The following NECAB2 variants were observed in gnomAD, a reference collection of about 807,000 sequenced individuals.
NECAB2 encodes the protein N-terminal EF-hand calcium-binding protein 2.
Under a neutral mutation model 51.9 loss-of-function variants are expected in NECAB2, and 68 were observed. The ratio of observed to expected loss-of-function variants is 1.31; its 90% confidence interval spans 1.08 to 1.60. The LOEUF is 1.60. Ranked by LOEUF, NECAB2 falls within the 40% of genes most tolerant of loss-of-function variation. NECAB2 has a pLI of 0.00. For missense variants in NECAB2, 854 were observed against 490.3 expected, an observed-to-expected ratio of 1.74 and a Z score of -7.00; for synonymous variants, 329 against 203.5, an observed-to-expected ratio of 1.62 and a Z score of -5.25.
chr16:83,989,293 G>T (rs1440405060), intron 5 of NECAB2, among the ~76,000 whole-genome samples: 1 of 152,150 alleles, frequency 6.6e-6, no homozygotes, highest in Non-Finnish European at 1.5e-5. Flanking sequence ...CTCTGTCAGG[G>T]TCTGTCCCCA....
At chr16:83,998,361 T>A (rs2151100875) in intron 10 of NECAB2, 44 bp downstream of exon 10, 1 of 1,570,406 alleles carries the variant, frequency 6.4e-7, no homozygotes, top group Non-Finnish European at 8.7e-7. Context: ...GGCAGGGAGC[T>A]CTGCCTGGCA....
At chr16:83,989,603 G>C (rs964216918) in intron 5 of NECAB2, among the ~76,000 whole-genome samples, 1 of 152,186 alleles carries the variant, frequency 6.6e-6, no homozygotes, top group African/African-American at 2.4e-5. Context: ...GAGCAGGGCA[G>C]GGTTTGGGAG....
intron 8 of NECAB2, 97 bp downstream of exon 8, chr16:83,994,785 G>A: frequency 7.3e-7 from 1 of 1,367,638 alleles, no homozygotes. Context: ...GGCTGCAGAG[G>A]GGCCAGGGAA....
At position 84,000,631 on chromosome 16, in the gene NECAB2, A is replaced by G. The variant is rs1465801834; in HGVS notation, c.963-93A>G. The G allele has an allele frequency of 1.0e-5, 10 of 954,980 alleles. No individual in the cohort carries two copies. In the South Asian group the frequency reaches 1.3e-4, roughly 12 times the overall value. 59.2% of individuals were successfully genotyped at this position (954,980 alleles called of 1,614,324 possible). A position where few individuals can be genotyped will look rare whatever the true frequency, so the allele number is the denominator to read the frequency against. ...GAAACATTGAAGGCAGCCGTTGTGT[A>G]TAGTGGTGGGTCTCAGGCCACCCCA... On this transcript the variant is annotated intron_variant, in intron 10 of 12. Coordinates refer to ENST00000305202, the MANE Select transcript of NECAB2 (RefSeq NM_019065.3).
intron 11 of NECAB2, among the ~76,000 whole-genome samples, 156 bp downstream of exon 11, chr16:84,000,957 C>T (rs948152372): frequency 3.3e-5 from 4 of 122,878 alleles, no homozygotes; most frequent in Non-Finnish European, 6.1e-5. Flanking sequence ...GTCAGTAAAC[C>T]CTGGTGGAGG....
intron 1 of NECAB2, among the ~76,000 whole-genome samples, chr16:83,969,577 C>G (rs1477355248): frequency 1.3e-5 from 2 of 152,062 alleles, no homozygotes; most frequent in Non-Finnish European, 2.9e-5. Context: ...CCTCACCCCT[C>G]CTAACTCCCC....
intron 10 of NECAB2, among the ~76,000 whole-genome samples, chr16:83,999,507 C>T (rs1419189005): frequency 2.0e-5 from 3 of 152,122 alleles, no homozygotes; most frequent in Non-Finnish European, 4.4e-5. Context: ...TAAAGCTGCA[C>T]GGAGGTGTGT....
In NECAB2 at chr16:84,002,529, G is replaced by GTGTC. The variant is rs1460071924; in HGVS notation, c.*187_*190dup. ...TGCCCCCACCTGAGAAGGCAGAGCAGTGTCTGTGCTGCCAGGTCCTGGTGA... is the reference window on the plus strand; with the variant it reads ...TGCCCCCACCTGAGAAGGCAGAGCAGTGTCTGTCTGTGCTGCCAGGTCCTGGTGA... On this transcript the variant is annotated 3_prime_UTR_variant, in exon 13 of 13. Coordinates refer to ENST00000305202, the MANE Select transcript of NECAB2 (RefSeq NM_019065.3). 6.6e-6 allele frequency: 5 copies of GTGTC among 757,214 alleles called. No individual in the cohort carries two copies. The highest frequency in any genetic ancestry group is 1.1e-5 in the Non-Finnish European group (5 of 463,402). 46.9% of individuals were successfully genotyped at this position (757,214 alleles called of 1,614,324 possible).
chr16:83,988,768 T>A (rs1286227823), intron 5 of NECAB2, among the ~76,000 whole-genome samples: 1 of 152,166 alleles, frequency 6.6e-6, no homozygotes, highest in Non-Finnish European at 1.5e-5. Flanking sequence ...ATGCAAAATT[T>A]CTCCACCTGA....
At chr16:83,997,165 G>A in intron 8 of NECAB2, 51 bp from the exon 9 acceptor site, 1 of 1,612,396 alleles carries the variant, frequency 6.2e-7, no homozygotes, top group Non-Finnish European at 8.5e-7. Flanking sequence ...TGGCTCCCCG[G>A]GGCGGAGTGG....
At chr16:83,996,252 G>A (rs180867221) in intron 8 of NECAB2, among the ~76,000 whole-genome samples, 123 of 152,302 alleles carry the variant, frequency 8.1e-4, no homozygotes, top group African/African-American at 2.8e-3. Flanking sequence ...GTAAAACCAT[G>A]GAAACAGACT....
At position 84,001,757 on chromosome 16, in the gene NECAB2, T is replaced by TAACAGGGGAGCCAC. The variant is rs2084840626; in HGVS notation, c.1041-66_1041-53dup. ...CCCCATTTTGGGCTAGAGCTAGGAT[T>TAACAGGGGAGCCAC]AACAGGGGAGCCACACGCGGAGCTC... On this transcript the variant is annotated intron_variant, in intron 11 of 12. Coordinates refer to ENST00000305202, the MANE Select transcript of NECAB2 (RefSeq NM_019065.3). 5.2e-6 allele frequency: 8 copies of TAACAGGGGAGCCAC among 1,552,248 alleles called. No homozygotes were observed. In the South Asian group the frequency reaches 9.0e-5, roughly 17 times the overall value.
chr16:83,997,383 G>T, intron 9 of NECAB2, 114 bp downstream of exon 9: 1 of 1,359,738 alleles, frequency 7.4e-7, no homozygotes, highest in East Asian at 2.4e-5. Context: ...GGACCACCAG[G>T]AGGGGAGATG....
intron 2 of NECAB2, among the ~76,000 whole-genome samples, chr16:83,974,408 C>G (rs1348839435): frequency 6.6e-6 from 1 of 152,128 alleles, no homozygotes; most frequent in Non-Finnish European, 1.5e-5. Context: ...TCAATAAGTC[C>G]CCGCTGCTCT....
chr16:83,998,712 C>T (rs1450150394), intron 10 of NECAB2, among the ~76,000 whole-genome samples: 1 of 152,160 alleles, frequency 6.6e-6, no homozygotes, highest in South Asian at 2.1e-4. Context: ...AAGTCCAGGC[C>T]CAGAATGTAG....
intron 10 of NECAB2, among the ~76,000 whole-genome samples, chr16:83,998,615 A>C (rs529755838): frequency 1.3e-4 from 20 of 152,208 alleles, no homozygotes; most frequent in African/African-American, 4.8e-4. Context: ...TGTGAATCTC[A>C]AGTGTGAAGG....
At position 84,002,707 on chromosome 16, in the gene NECAB2, C is replaced by T. The variant is rs1443866810; in HGVS notation, c.*361C>T. 1.0e-5 allele frequency: 3 copies of T among 299,472 alleles called. No individual in the cohort carries two copies. The East Asian group carries it at 2.1e-4, about 21-fold the overall frequency. 18.6% of individuals were successfully genotyped at this position (299,472 alleles called of 1,614,324 possible). A position where few individuals can be genotyped will look rare whatever the true frequency, so the allele number is the denominator to read the frequency against. ...TCTTCTACCTAGTAGGAGTCATGCC[C>T]CTGTAGTGCCCAACCTAGCCAGGTA... On this transcript the variant is annotated 3_prime_UTR_variant, in exon 13 of 13. Coordinates refer to ENST00000305202, the MANE Select transcript of NECAB2 (RefSeq NM_019065.3).
chr16:83,972,382 T>C (rs960262867), intron 2 of NECAB2, among the ~76,000 whole-genome samples: 10 of 152,324 alleles, frequency 6.6e-5, no homozygotes, highest in African/African-American at 2.4e-4. Context: ...GCCTACTTAG[T>C]AGGGACAGCT....
chr16:83,989,278 A>G (rs1258569247), intron 5 of NECAB2, among the ~76,000 whole-genome samples: 1 of 152,132 alleles, frequency 6.6e-6, no homozygotes, highest in Non-Finnish European at 1.5e-5. Context: ...AGTTTTGGCC[A>G]TGTACTCTGT....
Sources: allele counts gnomAD v4.1 joint callset (sites outside exome capture counted in the v4.1 genomes callset), GRCh38; gene constraint gnomAD v4.1.1; transcripts MANE v1.5; gene names NCBI Gene and HGNC (gene_info 2026-07-23, HGNC 2026-07-21).